PTPRD: variants seen among roughly 807,000 people sequenced by gnomAD.
The protein encoded by PTPRD is receptor-type tyrosine-protein phosphatase delta.
PTPRD carries 34 observed loss-of-function variants against 214.5 expected under a neutral mutation model. The observed-to-expected ratio is 0.16, with a 90% CI of 0.12 to 0.21. The LOEUF (loss-of-function observed/expected upper bound fraction) is 0.21, where lower values mean the gene tolerates loss of function less well. PTPRD is among the 10% of genes least tolerant of loss of function. PTPRD has a pLI of 1.00. For missense variants in PTPRD, 2,545 were observed against 2,398.7 expected (o/e 1.06, Z -1.27); for synonymous variants, 1,128 against 845.7 (o/e 1.33, Z -5.79).
intron 3 of PTPRD, among the ~76,000 whole-genome samples, chr9:10,090,093 C>T (rs2098410806): frequency 6.6e-6 from 1 of 151,614 alleles, no homozygotes; most frequent in East Asian, 1.9e-4. Context: ...TCAAAATATA[C>T]TTCTCACTAA....
intron 2 of PTPRD, among the ~76,000 whole-genome samples, chr9:10,610,787 T>G (rs1298286204): frequency 6.6e-6 from 1 of 152,176 alleles, no homozygotes; most frequent in Non-Finnish European, 1.5e-5. Context: ...CATTAACTGT[T>G]CTATTGTCCT....
intron 2 of PTPRD, among the ~76,000 whole-genome samples, chr9:10,421,590 G>A (rs900898806): frequency 1.3e-5 from 2 of 151,726 alleles, no homozygotes; most frequent in Non-Finnish European, 2.9e-5. Flanking sequence ...ACGTGGTCCA[G>A]TTTAGGTTTT....
At position 9,514,660 on chromosome 9, in the gene PTPRD, T is replaced by C. The variant is rs554849032; in HGVS notation, c.-237+60072A>G. Among the ~76,000 whole-genome samples the C allele has an allele frequency of 3.3e-5, 5 of 152,200 alleles. 1 individual carries two copies. In the South Asian group the frequency reaches 1.0e-3, roughly 32 times the overall value. Reference sequence around the variant, plus strand: ...GAGAATTGAGATATAAACAGTTACTTCGATTTCCATTTTTCAACTGACATC... The same window carrying C: ...GAGAATTGAGATATAAACAGTTACTCCGATTTCCATTTTTCAACTGACATC... On this transcript the variant is annotated intron_variant, in intron 8 of 45. Coordinates refer to ENST00000381196, the MANE Select transcript of PTPRD (RefSeq NM_002839.4).
chr9:9,190,547 G>T (rs1296393533), intron 9 of PTPRD, among the ~76,000 whole-genome samples: 1 of 151,938 alleles, frequency 6.6e-6, no homozygotes, highest in East Asian at 1.9e-4. Flanking sequence ...GTGTGAAAAT[G>T]GACTAATACA....
chr9:9,332,466 T>C (rs1345607937), intron 9 of PTPRD, among the ~76,000 whole-genome samples: 2 of 151,532 alleles, frequency 1.3e-5, no homozygotes, highest in Non-Finnish European at 1.5e-5. Flanking sequence ...GCAAAACAGA[T>C]ACCTATTATC....
chr9:9,633,762 T>C (rs956589477), intron 7 of PTPRD, among the ~76,000 whole-genome samples: 58 of 152,328 alleles, frequency 3.8e-4, no homozygotes, highest in African/African-American at 1.4e-3. Context: ...ATCGCAAACA[T>C]ATTTTTTAAG....
intron 12 of PTPRD, among the ~76,000 whole-genome samples, chr9:8,656,450 T>C (rs1047039833): frequency 1.3e-5 from 2 of 152,208 alleles, no homozygotes; most frequent in African/African-American, 4.8e-5. Flanking sequence ...GTATCACTGT[T>C]TGGCCTCTCT....
intron 14 of PTPRD, among the ~76,000 whole-genome samples, chr9:8,600,721 G>A (rs2094805460): frequency 1.3e-5 from 2 of 151,634 alleles, no homozygotes; most frequent in Admixed American, 6.6e-5. Context: ...AGACCCTACT[G>A]ACTAAAGAGC....
intron 35 of PTPRD, among the ~76,000 whole-genome samples, chr9:8,416,418 C>T (rs900200991): frequency 6.6e-6 from 1 of 152,084 alleles, no homozygotes; most frequent in African/African-American, 2.4e-5. Context: ...TATCCATGTT[C>T]TTTAATTTTT....
intron 9 of PTPRD, among the ~76,000 whole-genome samples, chr9:9,260,642 G>T (rs970543271): frequency 6.6e-6 from 1 of 151,682 alleles, no homozygotes; most frequent in African/African-American, 2.4e-5. Context: ...TTGGCTTGAC[G>T]GCATTGTAAA....
chr9:9,360,625 T>C lies in PTPRD; in HGVS notation c.-203+36824A>G, dbSNP rs1172493242. ...TTAAGTATAAAGAAATAAAGTTATT[T>C]AGTAGCAAAAATAACAATCTAGTCA... On this transcript the variant is annotated intron_variant, in intron 9 of 45. Coordinates refer to ENST00000381196, the MANE Select transcript of PTPRD (RefSeq NM_002839.4). 5.3e-5 allele frequency among the ~76,000 whole-genome samples: 8 copies of C among 151,172 alleles called. No individual in the cohort carries two copies. In the East Asian group the frequency reaches 1.4e-3, roughly 26 times the overall value.
intron 39 of PTPRD, among the ~76,000 whole-genome samples, chr9:8,354,169 A>G (rs1044292262): frequency 6.6e-6 from 1 of 151,550 alleles, no homozygotes; most frequent in African/African-American, 2.4e-5. Context: ...ATTGCTAAGT[A>G]CTCCTTATTC....
At chr9:8,950,256 G>A (rs917735482) in intron 11 of PTPRD, among the ~76,000 whole-genome samples, 1 of 152,110 alleles carries the variant, frequency 6.6e-6, no homozygotes, top group African/African-American at 2.4e-5. Flanking sequence ...TGGAATCAGG[G>A]TTGTAATTTA....
chr9:9,087,336 T>C (rs2099768552), intron 10 of PTPRD, among the ~76,000 whole-genome samples: 1 of 152,126 alleles, frequency 6.6e-6, no homozygotes, highest in Admixed American at 6.6e-5. Flanking sequence ...AAATCACAAA[T>C]AATAAAATTA....
chr9:8,858,029 G>A (rs2097978801), intron 11 of PTPRD: 2 of 146,814 alleles, frequency 1.4e-5, no homozygotes, highest in Non-Finnish European at 2.8e-5. Context: ...TCCTCCTCCC[G>A]CTCCTCCTGC....
rs1287366528 is a variant in PTPRD at position 8,485,775 on chromosome 9, C to T, written c.3042G>A (p.Leu1014=). 2.5e-6 allele frequency: 4 copies of T among 1,611,420 alleles called. No homozygotes were observed. The highest frequency in any genetic ancestry group is 3.4e-6 in the Non-Finnish European group (4 of 1,178,968). Residue 1014 remains leucine, a synonymous_variant, in exon 28 of 46, where the codon CTG becomes CTA. Coordinates refer to ENST00000381196, the MANE Select transcript of PTPRD (RefSeq NM_002839.4). ...PYSPSVQFRT[L]PVDQVFAKNF... is the part of the protein sequence containing the mutation. ...GACAAATCCTACCTTGATCCACAGG[C>T]AGTGTCCTGAACTGGACACTGGGAC... is the stretch of plus-strand genomic sequence containing the variant.
intron 14 of PTPRD, among the ~76,000 whole-genome samples, chr9:8,612,494 A>G (rs556810179): frequency 3.9e-5 from 6 of 152,332 alleles, no homozygotes; most frequent in East Asian, 1.9e-4. Flanking sequence ...AAGCTGTTCA[A>G]TTAAGGTGTT....
chr9:8,314,622 G>A lies in PTPRD; in HGVS notation c.*3252C>T. On this transcript the variant is annotated 3_prime_UTR_variant, in exon 46 of 46. Coordinates refer to ENST00000381196, the MANE Select transcript of PTPRD (RefSeq NM_002839.4). ...ATCAGGGCACCCATAAACCCAAAAG[G>A]AACCAAAACCCAAAAAGAAAAACAA... is the stretch of plus-strand genomic sequence containing the variant. 4.3e-6 allele frequency: 1 copy of A among 230,492 alleles called. No homozygotes were observed. The highest frequency in any genetic ancestry group is 1.8e-4 in the South Asian group (1 of 5,456). 14.3% of individuals were successfully genotyped at this position (230,492 alleles called of 1,614,324 possible). A position where few individuals can be genotyped will look rare whatever the true frequency, so the allele number is the denominator to read the frequency against.
chr9:9,212,025 C>T (rs2099949108), intron 9 of PTPRD, among the ~76,000 whole-genome samples: 2 of 151,954 alleles, frequency 1.3e-5, no homozygotes, highest in Admixed American at 1.3e-4. Flanking sequence ...TGAATATACT[C>T]GTCAATTCTG....
Sources: allele counts gnomAD v4.1 joint callset (sites outside exome capture counted in the v4.1 genomes callset), GRCh38; gene constraint gnomAD v4.1.1; transcripts MANE v1.5; gene names NCBI Gene and HGNC (gene_info 2026-07-23, HGNC 2026-07-21).